Variants in BMPR2 observed in about 807,000 individuals in gnomAD.
BMPR2 encodes bone morphogenetic protein receptor type 2, also known as bone morphogenetic protein receptor type-2.
BMPR2 carries 29 observed loss-of-function variants against 100.8 expected under a neutral mutation model. The ratio of observed to expected loss-of-function variants is 0.29; its 90% CI spans 0.21 to 0.39. BMPR2 has a LOEUF of 0.39. Among genes scored for constraint, BMPR2 ranks in the 10% least tolerant of loss-of-function variants. The probability of loss-of-function intolerance (pLI) is 1.00; values close to 1 mark genes in which losing one functional copy is unlikely to be tolerated. For synonymous variants in BMPR2, 382 were observed against 442.3 expected (o/e 0.86, Z 1.71); for missense variants, 1,011 against 1,274.5 (o/e 0.79, Z 3.15).
In BMPR2 at chr2:202,436,906, G is replaced by C. The variant is rs971747774; in HGVS notation, c.77-27903G>C. Reference sequence around the variant, plus strand: ...TATTTCGCCTTGCAGTAAGAATTGTGTTCCTCTCATATCTCTTTTTTTCCT... The same window carrying C: ...TATTTCGCCTTGCAGTAAGAATTGTCTTCCTCTCATATCTCTTTTTTTCCT... On this transcript the variant is annotated intron_variant, in intron 1 of 12. Transcript: ENST00000374580. 1.3e-4 allele frequency among the ~76,000 whole-genome samples: 20 copies of C among 150,568 alleles called. 2 individuals are homozygous for C. The highest frequency in any genetic ancestry group is 5.0e-4 in the African/African-American group (20 of 39,958).
At chr2:202,384,851 C>G (rs919648279) in intron 1 of BMPR2, among the ~76,000 whole-genome samples, 1 of 152,008 alleles carries the variant, frequency 6.6e-6, no homozygotes, top group Non-Finnish European at 1.5e-5. Flanking sequence ...CCTCAGCCTC[C>G]CAGAGTGCTG....
At chr2:202,535,109 C>A (rs1303309712) in intron 9 of BMPR2, among the ~76,000 whole-genome samples, 2 of 138,192 alleles carry the variant, frequency 1.4e-5, no homozygotes, top group Admixed American at 7.0e-5. Context: ...CCCTCCCGGA[C>A]GGGGCGGCTG....
intron 1 of BMPR2, among the ~76,000 whole-genome samples, chr2:202,442,979 T>A (rs1559040087): frequency 6.6e-6 from 1 of 150,604 alleles, no homozygotes; most frequent in Non-Finnish European, 1.5e-5. Context: ...ACTGGGTTTG[T>A]AGATAAGGCC....
intron 2 of BMPR2, among the ~76,000 whole-genome samples, chr2:202,465,888 A>G (rs1692311103): frequency 6.6e-6 from 1 of 152,212 alleles, no homozygotes; most frequent in African/African-American, 2.4e-5. Flanking sequence ...TGTATAAACA[A>G]TTTCATATCC....
At chr2:202,527,552 G>A (rs1335418845) in intron 7 of BMPR2, among the ~76,000 whole-genome samples, 3 of 151,304 alleles carry the variant, frequency 2.0e-5, no homozygotes, top group East Asian at 2.0e-4. Flanking sequence ...TTGGGAGGCC[G>A]AGGCGGGTGG....
chr2:202,501,947 G>A (rs1321003882), intron 3 of BMPR2, among the ~76,000 whole-genome samples: 3 of 152,144 alleles, frequency 2.0e-5, no homozygotes, highest in Non-Finnish European at 2.9e-5. Context: ...CCTATATAAC[G>A]ATGGAAGTTC....
At chr2:202,492,818 G>GA (rs1286826320) in intron 3 of BMPR2, among the ~76,000 whole-genome samples, 1 of 151,564 alleles carries the variant, frequency 6.6e-6, no homozygotes, top group Non-Finnish European at 1.5e-5. Context: ...ATTTAATGGG[G>GA]AAAAAAAGTT....
chr2:202,392,460 C>T lies in BMPR2; in HGVS notation c.76+14910C>T, dbSNP rs534563024. On this transcript the variant is annotated intron_variant, in intron 1 of 12. Transcript: ENST00000374580. ...TGAATTCCAAATAAAGAAAGTGTTACATTTGAGTTGAAAGTATCATTTAGG... is the reference window on the plus strand; with the variant it reads ...TGAATTCCAAATAAAGAAAGTGTTATATTTGAGTTGAAAGTATCATTTAGG... Among the ~76,000 whole-genome samples, 299 of 152,208 alleles carry T rather than the reference C, an allele frequency of 2.0e-3. 2 individuals are homozygous for T. The highest frequency in any genetic ancestry group is 3.5e-3 in the Admixed American group (54 of 15,264).
chr2:202,458,134 T>A (rs1692156678), intron 1 of BMPR2, among the ~76,000 whole-genome samples: 1 of 151,778 alleles, frequency 6.6e-6, no homozygotes, highest in Admixed American at 6.6e-5. Context: ...AGCATTTATT[T>A]GCCATATATA....
intron 1 of BMPR2, among the ~76,000 whole-genome samples, chr2:202,379,580 A>G (rs1690227321): frequency 6.6e-6 from 1 of 152,170 alleles, no homozygotes; most frequent in Admixed American, 6.6e-5. Flanking sequence ...GAACATGTAA[A>G]ACTTTGCTTG....
intron 3 of BMPR2, among the ~76,000 whole-genome samples, chr2:202,484,047 C>CT (rs1692718032): frequency 6.6e-6 from 1 of 152,168 alleles, no homozygotes; most frequent in Admixed American, 6.5e-5. Flanking sequence ...TGAGGTGTGA[C>CT]TGCACTCAGG....
At chr2:202,394,784 T>C (rs1184413445) in intron 1 of BMPR2, among the ~76,000 whole-genome samples, 1 of 152,146 alleles carries the variant, frequency 6.6e-6, no homozygotes, top group African/African-American at 2.4e-5. Context: ...TAAATAAAGA[T>C]ATTGAGGCAC....
At chr2:202,513,954 CA>C (rs1687668980) in intron 4 of BMPR2, 125 bp downstream of exon 4, 1 of 702,894 alleles carries the variant, frequency 1.4e-6, no homozygotes, top group Non-Finnish European at 2.4e-6. Context: ...CACCCAGCCT[CA>C]ATAGTATCAC....
rs1200138341 is a variant in BMPR2, at chr2:202,565,054, A to AAAACAAAAAG, written c.*5117_*5118insGAAACAAAAA. The AAAACAAAAAG allele has an allele frequency of 5.3e-5, 8 of 152,216 alleles. No homozygotes were observed. Among genetic ancestry groups the AAAACAAAAAG allele is most frequent in the African/African-American group, 1.9e-4 (8 of 41,430 alleles). The allele number at this position is 152,216 out of a possible 1,614,324, so 9.4% of individuals were successfully genotyped here. A position where few individuals can be genotyped will look rare whatever the true frequency, so the allele number is the denominator to read the frequency against. The stretch of plus-strand genomic sequence containing the variant: ...ACAGAGTGAGACTCCATCTCAAAAA[A>AAAACAAAAAG]AAACAAAAAAAATCACCTCATAGTT... On this transcript the variant is annotated 3_prime_UTR_variant, in exon 13 of 13. Coordinates refer to ENST00000374580, the MANE Select transcript of BMPR2 (RefSeq NM_001204.7).
chr2:202,468,262 A>G (rs545815548), intron 3 of BMPR2, among the ~76,000 whole-genome samples: 15 of 151,968 alleles, frequency 9.9e-5, no homozygotes, highest in African/African-American at 3.6e-4. Context: ...GGAGCACTTG[A>G]GCCCAGGAAC....
In BMPR2 at chr2:202,532,536, C is replaced by A. The variant is rs763671006; in HGVS notation, c.1129-49C>A. ...AACTTCTGGTCTAATGTCTGTTCTTCAGAATATGCTACGTTCTCTCTCTAA... is the reference window on the plus strand; with the variant it reads ...AACTTCTGGTCTAATGTCTGTTCTTAAGAATATGCTACGTTCTCTCTCTAA... On this transcript the variant is annotated intron_variant, in intron 8 of 12. Coordinates refer to ENST00000374580, the MANE Select transcript of BMPR2 (RefSeq NM_001204.7). This position sits in a 1 kb window ranked among gnomAD's most constrained non-coding sequence, Gnocchi z 4.1. 1.9e-6 allele frequency: 3 copies of A among 1,594,372 alleles called. No individual in the cohort carries two copies. Among genetic ancestry groups the A allele is most frequent in the Non-Finnish European group, 2.6e-6 (3 of 1,162,812 alleles).
rs575858976 is a variant in BMPR2, at chr2:202,470,499, C to T, written c.418+2810C>T. 1.3e-4 allele frequency among the ~76,000 whole-genome samples: 19 copies of T among 151,520 alleles called. No homozygotes were observed. The South Asian group carries it at 2.5e-3, about 20-fold the overall frequency. Reference sequence around the variant, plus strand: ...GAAAGAGGCCGGGCGCGGTGGCTCACGCCTGTAATCCCAGCACTTTGGGAG... The same window carrying T: ...GAAAGAGGCCGGGCGCGGTGGCTCATGCCTGTAATCCCAGCACTTTGGGAG... On this transcript the variant is annotated intron_variant, in intron 3 of 12. Transcript: ENST00000374580.
chr2:202,449,347 ATAAT>A (rs1165984732), intron 1 of BMPR2, among the ~76,000 whole-genome samples: 7 of 145,812 alleles, frequency 4.8e-5, no homozygotes, highest in Admixed American at 1.4e-4. Flanking sequence ...AAATAAATAA[ATAAT>A]AAAAAAATAA....
chr2:202,410,945 G>C (rs529840269), intron 1 of BMPR2, among the ~76,000 whole-genome samples: 5 of 152,132 alleles, frequency 3.3e-5, no homozygotes, highest in Non-Finnish European at 4.4e-5. Context: ...TATGTTCACA[G>C]TAAAATTGAG....
Sources: gnomAD v4.1 joint callset for allele counts (sites outside exome capture counted in the v4.1 genomes callset) on GRCh38, gnomAD v4.1.1 for gene constraint, Gnocchi (gnomAD v3.1) non-coding constraint, MANE v1.5 for transcripts, NCBI Gene and HGNC (gene_info 2026-07-23, HGNC 2026-07-21) for gene names.